The following STXBP5 variants were observed in gnomAD, a reference collection of about 807,000 sequenced individuals.
STXBP5 encodes the protein syntaxin-binding protein 5.
Under a neutral mutation model 152.4 loss-of-function variants are expected in STXBP5, and 50 were observed. That is an observed-to-expected ratio of 0.33 (90% CI 0.26 to 0.42). The LOEUF is 0.42. Among genes scored for constraint, STXBP5 ranks in the 10% least tolerant of loss-of-function variants. STXBP5 has a pLI of 1.00. For synonymous variants in STXBP5, 492 were observed against 494.7 expected (o/e 0.99, Z 0.07); for missense variants, 1,167 against 1,388.6 (o/e 0.84, Z 2.54).
intron 22 of STXBP5, among the ~76,000 whole-genome samples, chr6:147,355,452 G>C (rs138143295): frequency 6.6e-6 from 1 of 152,210 alleles, no homozygotes; most frequent in Non-Finnish European, 1.5e-5. Flanking sequence ...GACAAATTTT[G>C]TCTGAGTTTA....
chr6:147,250,420 A>T (rs549240507), intron 4 of STXBP5, among the ~76,000 whole-genome samples: 1 of 152,366 alleles, frequency 6.6e-6, no homozygotes, highest in African/African-American at 2.4e-5. Flanking sequence ...ACAAAAAAAA[A>T]TAGTATATTT....
intron 2 of STXBP5, 100 bp downstream of exon 2, chr6:147,206,168 G>T: frequency 1.0e-6 from 1 of 990,580 alleles, no homozygotes; most frequent in South Asian, 1.5e-5. Context: ...TTTCCTGTTG[G>T]TGTGATTAGA....
At chr6:147,308,615 T>G (rs761571369) in intron 9 of STXBP5, among the ~76,000 whole-genome samples, 1 of 152,096 alleles carries the variant, frequency 6.6e-6, no homozygotes, top group Non-Finnish European at 1.5e-5. Flanking sequence ...AATAAATTTG[T>G]GTAGTGATAA....
At chr6:147,327,001 T>C (rs958755936) in intron 17 of STXBP5, 124 bp from the exon 18 acceptor site, 24 of 793,480 alleles carry the variant, frequency 3.0e-5, no homozygotes, top group Non-Finnish European at 4.3e-5. Context: ...CCTATAGTTG[T>C]CTTTTGTTTC....
At position 147,370,739 on chromosome 6, in the gene STXBP5, T is replaced by C. The variant is rs1455959740; in HGVS notation, c.3082-2992T>C. Among the ~76,000 whole-genome samples, 3 of 152,184 alleles carry C rather than the reference T, an allele frequency of 2.0e-5. No homozygotes were observed. In the East Asian group the frequency reaches 5.8e-4, roughly 29 times the overall value. Reference sequence around the variant, plus strand: ...TATAAACAAAACCCCAAGTAATCACTGTAAACAACTGATGACAGTTGAACT... The same window carrying C: ...TATAAACAAAACCCCAAGTAATCACCGTAAACAACTGATGACAGTTGAACT... On this transcript the variant is annotated intron_variant, in intron 25 of 27. Coordinates refer to ENST00000321680, the MANE Select transcript of STXBP5 (RefSeq NM_001127715.4).
chr6:147,316,754 A>G (rs1582934278), intron 16 of STXBP5, among the ~76,000 whole-genome samples: 1 of 113,168 alleles, frequency 8.8e-6, no homozygotes, highest in African/African-American at 3.9e-5. Context: ...GCTTTCTACA[A>G]CTCTGAAAAT....
chr6:147,255,114 A>G (rs1039460104), intron 4 of STXBP5, among the ~76,000 whole-genome samples: 1 of 152,248 alleles, frequency 6.6e-6, no homozygotes, highest in African/African-American at 2.4e-5. Context: ...TGGCACATAT[A>G]CACCTGGAAT....
intron 9 of STXBP5, among the ~76,000 whole-genome samples, chr6:147,306,714 C>A (rs1204524623): frequency 2.0e-5 from 3 of 152,178 alleles, no homozygotes; most frequent in Admixed American, 6.5e-5. Flanking sequence ...GGTGGCTATT[C>A]CTGCTGACTA....
chr6:147,271,708 T>G (rs1780179928), intron 7 of STXBP5, among the ~76,000 whole-genome samples: 1 of 152,038 alleles, frequency 6.6e-6, no homozygotes, highest in South Asian at 2.1e-4. Flanking sequence ...GCCTCAGCTT[T>G]CACCACAAGA....
rs1000584986 is a variant in STXBP5, at chr6:147,390,348, A to T, written c.*5593A>T. 5 of 152,006 alleles carry T rather than the reference A, an allele frequency of 3.3e-5. No homozygotes were observed. Among genetic ancestry groups the T allele is most frequent in the Admixed American group, 6.6e-5 (1 of 15,224 alleles). 9.4% of individuals were successfully genotyped at this position (152,006 alleles called of 1,614,324 possible). A position where few individuals can be genotyped will look rare whatever the true frequency, so the allele number is the denominator to read the frequency against. ...ATAAATACCGTTAAGCTGGTATTTT[A>T]AAAAATGTATTATAAATTAATTAAT... is the stretch of plus-strand genomic sequence containing the variant. On this transcript the variant is annotated 3_prime_UTR_variant, in exon 28 of 28. Coordinates refer to ENST00000321680, the MANE Select transcript of STXBP5 (RefSeq NM_001127715.4).
At chr6:147,311,326 A>G in intron 10 of STXBP5, 129 bp from the exon 11 acceptor site, 1 of 736,636 alleles carries the variant, frequency 1.4e-6, no homozygotes, top group Non-Finnish European at 2.3e-6. Context: ...ACATGCATGA[A>G]GTATCATAGG....
intron 2 of STXBP5, among the ~76,000 whole-genome samples, chr6:147,220,654 G>C (rs1393797243): frequency 6.6e-6 from 1 of 152,070 alleles, no homozygotes; most frequent in Non-Finnish European, 1.5e-5. Flanking sequence ...TCCTTGGTCT[G>C]AAGTCTGTGT....
intron 26 of STXBP5, 55 bp downstream of exon 26, chr6:147,373,897 A>T: frequency 7.2e-7 from 1 of 1,396,900 alleles, no homozygotes; most frequent in Non-Finnish European, 9.9e-7. Context: ...AACAAGCCAT[A>T]CAAAAATTTT....
At chr6:147,265,799 T>C (rs1779863563) in intron 6 of STXBP5, among the ~76,000 whole-genome samples, 1 of 152,050 alleles carries the variant, frequency 6.6e-6, no homozygotes, top group South Asian at 2.1e-4. Flanking sequence ...AGAGGTATTG[T>C]GGTAAACAAG....
rs752069863 is a variant in STXBP5, at chr6:147,291,189, T to C, written c.917+17T>C. On this transcript the variant is annotated intron_variant, in intron 9 of 27. Transcript: ENST00000321680. ...TAGATCTGGGTAAGATTTTACTTCATTGCCAATGTTCATTGTATATAAGTC... is the reference window on the plus strand; with the variant it reads ...TAGATCTGGGTAAGATTTTACTTCACTGCCAATGTTCATTGTATATAAGTC... The C allele has an allele frequency of 5.6e-6, 9 of 1,602,764 alleles. No homozygotes were observed. The highest frequency in any genetic ancestry group is 7.7e-6 in the Non-Finnish European group (9 of 1,171,346).
intron 25 of STXBP5, among the ~76,000 whole-genome samples, chr6:147,369,227 G>C (rs1485576417): frequency 6.6e-6 from 1 of 151,966 alleles, no homozygotes; most frequent in Non-Finnish European, 1.5e-5. Context: ...AGAAAGGATT[G>C]CCTTTTCAAC....
chr6:147,269,944 C>T (rs1255373106), intron 7 of STXBP5, among the ~76,000 whole-genome samples: 1 of 152,042 alleles, frequency 6.6e-6, no homozygotes, highest in Non-Finnish European at 1.5e-5. Context: ...ACTATATACT[C>T]AGAGATTTAA....
chr6:147,231,957 G>A (rs754619276), intron 2 of STXBP5, among the ~76,000 whole-genome samples: 5 of 151,852 alleles, frequency 3.3e-5, no homozygotes, highest in African/African-American at 4.8e-5. Flanking sequence ...TATTATAATG[G>A]TATGTCCACT....
intron 2 of STXBP5, among the ~76,000 whole-genome samples, chr6:147,210,335 G>C (rs1459554389): frequency 2.6e-5 from 4 of 152,154 alleles, no homozygotes; most frequent in Admixed American, 2.6e-4. Flanking sequence ...CATTTTGGGA[G>C]AGTAGCCTAG....
Sources: allele counts gnomAD v4.1 joint callset (sites outside exome capture counted in the v4.1 genomes callset), GRCh38; gene constraint gnomAD v4.1.1; transcripts MANE v1.5; gene names NCBI Gene and HGNC (gene_info 2026-07-23, HGNC 2026-07-21).